The following HECW1 variants were observed in gnomAD, a reference collection of about 807,000 sequenced individuals.
HECW1 encodes E3 ubiquitin-protein ligase HECW1.
Under a neutral mutation model 182.3 loss-of-function variants are expected in HECW1, and 61 were observed. That is an observed-to-expected ratio of 0.33 (90% confidence interval 0.27 to 0.41). The LOEUF (loss-of-function observed/expected upper bound fraction) is 0.41, where lower values mean the gene tolerates loss of function less well. Ranked by LOEUF, HECW1 falls within the 10% of genes least tolerant of loss-of-function variation. The pLI, the probability that HECW1 is intolerant of heterozygous loss-of-function variation, is 1.00. For missense variants in HECW1, 1,739 were observed against 2,108.9 expected (o/e 0.82, Z 3.44); for synonymous variants, 859 against 832.6 (o/e 1.03, Z -0.55).
At position 43,138,286 on chromosome 7, in the gene HECW1, G is replaced by A. The variant is rs548479940; in HGVS notation, c.-32+23895G>A. Among the ~76,000 whole-genome samples, 9 of 152,230 alleles carry A rather than the reference G, an allele frequency of 5.9e-5. No homozygotes were observed. The South Asian group carries it at 8.3e-4, about 14-fold the overall frequency. ...ATATCATTTCAACTTACATTTTCTC[G>A]GCTTATGTAGTCAATGGTTTAATCT... On this transcript the variant is annotated intron_variant, in intron 2 of 29. Transcript: ENST00000395891.
At chr7:43,124,652 G>A (rs1786013963) in intron 2 of HECW1, among the ~76,000 whole-genome samples, 1 of 152,168 alleles carries the variant, frequency 6.6e-6, no homozygotes, top group Admixed American at 6.5e-5. Context: ...GTGCAGGCTG[G>A]TGGCATCAAC....
chr7:43,284,358 G>A (rs954355063), intron 3 of HECW1, among the ~76,000 whole-genome samples: 6 of 151,588 alleles, frequency 4.0e-5, no homozygotes, highest in African/African-American at 1.5e-4. Context: ...TTTTTGTGGC[G>A]AGAGCACTTA....
At chr7:43,246,310 GA>G (rs1419398462) in intron 3 of HECW1, among the ~76,000 whole-genome samples, 1 of 152,066 alleles carries the variant, frequency 6.6e-6, no homozygotes, top group East Asian at 1.9e-4. Context: ...CTCTAAAAAA[GA>G]AAGGAAATAA....
chr7:43,339,512 T>C (rs1314519234), intron 5 of HECW1, among the ~76,000 whole-genome samples: 1 of 152,234 alleles, frequency 6.6e-6, no homozygotes, highest in Non-Finnish European at 1.5e-5. Context: ...ATATCCATTT[T>C]CTATGTACAT....
At chr7:43,329,871 A>T (rs1463475834) in intron 5 of HECW1, among the ~76,000 whole-genome samples, 1 of 152,170 alleles carries the variant, frequency 6.6e-6, no homozygotes, top group East Asian at 1.9e-4. Context: ...GCAGTCGTTT[A>T]CCCAGGGTGG....
intron 27 of HECW1, among the ~76,000 whole-genome samples, chr7:43,551,118 T>C (rs893952104): frequency 1.3e-5 from 2 of 152,176 alleles, no homozygotes; most frequent in Non-Finnish European, 2.9e-5. Context: ...AAACGTTTTC[T>C]CAGGTCTTGG....
At chr7:43,555,777 C>A (rs545912814) in intron 29 of HECW1, among the ~76,000 whole-genome samples, 287 of 152,296 alleles carry the variant, frequency 1.9e-3, no homozygotes, top group Non-Finnish European at 3.6e-3. Context: ...CTGGCTTCAC[C>A]CACTCAGTTC....
intron 4 of HECW1, among the ~76,000 whole-genome samples, chr7:43,314,387 T>A (rs529065933): frequency 6.6e-6 from 1 of 152,084 alleles, no homozygotes; most frequent in South Asian, 2.1e-4. Flanking sequence ...TCTAGTGTTG[T>A]GTATAGAAAG....
At chr7:43,196,912 G>A (rs1794512243) in intron 2 of HECW1, among the ~76,000 whole-genome samples, 1 of 151,958 alleles carries the variant, frequency 6.6e-6, no homozygotes, top group African/African-American at 2.4e-5. Context: ...CCCTGCCCTT[G>A]AGCCATTTTT....
intron 6 of HECW1, among the ~76,000 whole-genome samples, chr7:43,367,460 A>T (rs1247154483): frequency 1.3e-5 from 2 of 152,368 alleles, no homozygotes; most frequent in Middle Eastern, 3.4e-3. Flanking sequence ...GTTATACAGT[A>T]CAATATTCTA....
intron 2 of HECW1, among the ~76,000 whole-genome samples, chr7:43,227,035 A>G (rs1797492919): frequency 6.6e-6 from 1 of 152,240 alleles, no homozygotes; most frequent in African/African-American, 2.4e-5. Flanking sequence ...AAAAGAATAT[A>G]TTCATCTAGA....
At chr7:43,448,408 A>G (rs1426326650) in intron 11 of HECW1, among the ~76,000 whole-genome samples, 1 of 152,222 alleles carries the variant, frequency 6.6e-6, no homozygotes, top group African/African-American at 2.4e-5. Context: ...TTATGAGCTC[A>G]GGCCCTGGAG....
chr7:43,510,599 A>G (rs945812288), intron 24 of HECW1, among the ~76,000 whole-genome samples: 3 of 152,184 alleles, frequency 2.0e-5, no homozygotes, highest in Admixed American at 1.3e-4. Context: ...ACGCACATAT[A>G]CATATGTGGG....
Position 43,444,487 on chromosome 7 carries a change from G to A in HECW1, c.1315G>A (p.Gly439Arg), listed in dbSNP as rs772909457. ...GMVSVGPEGA[G>R]ELLAQVQKDI... ...GGTCTCTGTGGGACCTGAAGGGGCT[G>A]GGGAGCTCCTGGCCCAGGTGCAAAA... The change falls in exon 11 of 30, where the codon GGG (glycine) becomes AGG (arginine). Residue 439 changes from glycine (G) to arginine (R), a missense_variant. Coordinates refer to ENST00000395891, the MANE Select transcript of HECW1 (RefSeq NM_015052.5). This position sits in a 1 kb window ranked among gnomAD's most constrained non-coding sequence, Gnocchi z 4.3. 6.2e-7 allele frequency: 1 copy of A among 1,612,868 alleles called. No homozygotes were observed. Among genetic ancestry groups the A allele is most frequent in the East Asian group, 2.2e-5 (1 of 44,856 alleles).
At chr7:43,173,755 G>T (rs1238348726) in intron 2 of HECW1, among the ~76,000 whole-genome samples, 1 of 152,156 alleles carries the variant, frequency 6.6e-6, no homozygotes, top group African/African-American at 2.4e-5. Flanking sequence ...ACCACTATTG[G>T]TCTATGGTCC....
chr7:43,487,505 C>G (rs1585056662), intron 17 of HECW1, among the ~76,000 whole-genome samples: 1 of 152,330 alleles, frequency 6.6e-6, no homozygotes. Flanking sequence ...ACCAAGGGCT[C>G]TCTCTCCCCT....
chr7:43,336,705 A>G (rs1307398679), intron 5 of HECW1, among the ~76,000 whole-genome samples: 1 of 151,882 alleles, frequency 6.6e-6, no homozygotes, highest in Non-Finnish European at 1.5e-5. Context: ...CCCTCTCCCA[A>G]TCTCCCCACT....
chr7:43,524,108 G>A (rs2080655044), intron 24 of HECW1, among the ~76,000 whole-genome samples: 1 of 152,124 alleles, frequency 6.6e-6, no homozygotes, highest in African/African-American at 2.4e-5. Context: ...ACCCCATAGA[G>A]TCTGATCTCC....
At chr7:43,278,958 G>A (rs1803536384) in intron 3 of HECW1, among the ~76,000 whole-genome samples, 1 of 152,170 alleles carries the variant, frequency 6.6e-6, no homozygotes, top group Non-Finnish European at 1.5e-5. Flanking sequence ...AGAAATTTCT[G>A]TCTGTGTTTG....
Sources: allele counts gnomAD v4.1 joint callset (sites outside exome capture counted in the v4.1 genomes callset), GRCh38; gene constraint gnomAD v4.1.1; non-coding constraint Gnocchi (gnomAD v3.1); transcripts MANE v1.5; gene names NCBI Gene and HGNC (gene_info 2026-07-23, HGNC 2026-07-21).